Variants in ZNF804B observed in about 807,000 individuals in gnomAD.
The protein encoded by ZNF804B is zinc finger protein 804B.
A neutral mutation model predicts 101.4 loss-of-function variants in ZNF804B; 80 were observed. The observed-to-expected ratio is 0.79, with a 90% CI of 0.66 to 0.95. The LOEUF (loss-of-function observed/expected upper bound fraction) is 0.95. Ranked by LOEUF, ZNF804B falls within the 40% of genes least tolerant of loss-of-function variation. The probability of loss-of-function intolerance (pLI) is 0.00; values close to 1 mark genes in which losing one functional copy is unlikely to be tolerated. For missense variants in ZNF804B, 1,673 were observed against 1,561.9 expected (o/e 1.07, Z -1.20); for synonymous variants, 622 against 558.8 (o/e 1.11, Z -1.59).
intron 1 of ZNF804B, among the ~76,000 whole-genome samples, chr7:88,769,897 GTCT>G (rs1790036951): frequency 6.6e-6 from 1 of 152,028 alleles, no homozygotes; most frequent in South Asian, 2.1e-4. Context: ...GAGAAGCTTG[GTCT>G]TCTTCTAAAT....
rs1301654920 is a variant in ZNF804B, at chr7:89,334,961, C to G, written c.1979C>G (p.Pro660Arg). Residue 660 changes from proline (P) to arginine (R), a missense_variant, in exon 4 of 4, where the codon CCT (proline) becomes CGT (arginine). Physicochemically the swap from Pro to Arg is moderately radical, Grantham distance 103. Coordinates refer to ENST00000333190, the MANE Select transcript of ZNF804B (RefSeq NM_181646.5). ...AGACAATTCAACTGCAAGTCCAGTC[C>G]TTGTACAGTAGGGGGTCACAGTGAC... is the stretch of plus-strand genomic sequence containing the variant. The part of the protein sequence containing the change: ...DERQFNCKSS[P>R]CTVGGHSDHG... The G allele has an allele frequency of 6.2e-7, 1 of 1,613,864 alleles. No homozygotes were observed. The highest frequency in any genetic ancestry group is 8.5e-7 in the Non-Finnish European group (1 of 1,179,904).
intron 1 of ZNF804B, among the ~76,000 whole-genome samples, chr7:89,081,694 C>A (rs1412953704): frequency 6.6e-6 from 1 of 151,730 alleles, no homozygotes; most frequent in Non-Finnish European, 1.5e-5. Flanking sequence ...ACTTTTCTTA[C>A]ACCCCTTCAC....
At chr7:88,980,065 CT>C (rs997034052) in intron 1 of ZNF804B, among the ~76,000 whole-genome samples, 31 of 146,970 alleles carry the variant, frequency 2.1e-4, no homozygotes, top group South Asian at 4.3e-4. Flanking sequence ...CTGCTTGATT[CT>C]TTTTTTTTTA....
At chr7:88,907,467 A>G (rs1045741800) in intron 1 of ZNF804B, among the ~76,000 whole-genome samples, 3 of 152,072 alleles carry the variant, frequency 2.0e-5, no homozygotes, top group Non-Finnish European at 4.4e-5. Flanking sequence ...GACTGCTTCT[A>G]CTGCTACTAA....
At chr7:89,063,690 C>T (rs1789409490) in intron 1 of ZNF804B, among the ~76,000 whole-genome samples, 1 of 152,136 alleles carries the variant, frequency 6.6e-6, no homozygotes, top group Admixed American at 6.6e-5. Context: ...TCTTTGTTTT[C>T]AAATTATTTA....
chr7:89,074,136 C>T (rs186598218), intron 1 of ZNF804B, among the ~76,000 whole-genome samples: 1 of 152,264 alleles, frequency 6.6e-6, no homozygotes, highest in East Asian at 1.9e-4. Flanking sequence ...AAAACTACCT[C>T]CTGGAGTGTT....
chr7:88,978,831 CTTCT>C (rs924075395), intron 1 of ZNF804B, among the ~76,000 whole-genome samples: 2 of 142,740 alleles, frequency 1.4e-5, no homozygotes, highest in African/African-American at 5.1e-5. Flanking sequence ...TCCTTCCTTC[CTTCT>C]TTCCTTCTTT....
chr7:89,089,408 T>A (rs1364145637), intron 1 of ZNF804B, among the ~76,000 whole-genome samples: 1 of 152,028 alleles, frequency 6.6e-6, no homozygotes, highest in Non-Finnish European at 1.5e-5. Context: ...ATCACATGTG[T>A]AAGTATATAA....
At chr7:89,126,894 CAG>C (rs1407189333) in intron 1 of ZNF804B, among the ~76,000 whole-genome samples, 1 of 151,936 alleles carries the variant, frequency 6.6e-6, no homozygotes, top group East Asian at 1.9e-4. Flanking sequence ...TTTTGCAACT[CAG>C]ATCTCTCACA....
At chr7:89,219,589 CTGATTG>C (rs1788949125) in intron 2 of ZNF804B, among the ~76,000 whole-genome samples, 1 of 151,408 alleles carries the variant, frequency 6.6e-6, no homozygotes, top group Admixed American at 6.6e-5. Flanking sequence ...GTTATCCTTG[CTGATTG>C]AGGTATGGCG....
At chr7:89,198,942 G>A (rs1051324028) in intron 1 of ZNF804B, among the ~76,000 whole-genome samples, 1 of 151,802 alleles carries the variant, frequency 6.6e-6, no homozygotes, top group African/African-American at 2.4e-5. Context: ...AACTTATCGG[G>A]AATATGGAGC....
rs976514185 is a variant in ZNF804B at position 89,327,825 on chromosome 7, G to T, written c.380+351G>T. On this transcript the variant is annotated intron_variant, in intron 3 of 3. Coordinates refer to ENST00000333190, the MANE Select transcript of ZNF804B (RefSeq NM_181646.5). ...CATAATTAACAATATATCTTAGGGG[G>T]TGGGGAATAAGTCTTCTGAACATTT... 2.0e-5 allele frequency among the ~76,000 whole-genome samples: 3 copies of T among 147,840 alleles called. No homozygotes were observed. The South Asian group carries it at 6.6e-4, about 32-fold the overall frequency.
At chr7:88,821,808 T>C (rs547253122) in intron 1 of ZNF804B, among the ~76,000 whole-genome samples, 1 of 152,180 alleles carries the variant, frequency 6.6e-6, no homozygotes, top group South Asian at 2.1e-4. Context: ...GTTCATCTTA[T>C]ATATGTAGCA....
At chr7:89,084,598 A>G (rs566732718) in intron 1 of ZNF804B, among the ~76,000 whole-genome samples, 1 of 152,078 alleles carries the variant, frequency 6.6e-6, no homozygotes, top group East Asian at 1.9e-4. Context: ...AAACAATTAT[A>G]TTTATACTTC....
rs937654806 is a variant in ZNF804B at position 89,336,948 on chromosome 7, T to G, written c.3966T>G (p.Asp1322Glu). 2.5e-6 allele frequency: 4 copies of G among 1,614,096 alleles called. No individual in the cohort carries two copies. The highest frequency in any genetic ancestry group is 3.4e-6 in the Non-Finnish European group (4 of 1,179,990). Residue 1322 changes from aspartate to glutamate, a missense_variant, in exon 4 of 4, where the codon GAT becomes GAG. By Grantham distance (45) the Asp-to-Glu change is conservative. Transcript: ENST00000333190. The part of the protein sequence containing the change: ...PLIQPVFQGQ[D>E]FCHHSCSSQM... Reference sequence around the variant, plus strand: ...TCCAACCAGTATTCCAAGGTCAAGATTTTTGCCATCATTCTTGCTCTAGCC... The same window carrying G: ...TCCAACCAGTATTCCAAGGTCAAGAGTTTTGCCATCATTCTTGCTCTAGCC...
At chr7:89,160,574 C>T (rs1276993688) in intron 1 of ZNF804B, among the ~76,000 whole-genome samples, 1 of 152,032 alleles carries the variant, frequency 6.6e-6, no homozygotes, top group Admixed American at 6.6e-5. Context: ...AAATAGAGTA[C>T]ACCTAATATT....
At chr7:89,032,334 A>T (rs1400119881) in intron 1 of ZNF804B, among the ~76,000 whole-genome samples, 1 of 151,788 alleles carries the variant, frequency 6.6e-6, no homozygotes, top group Non-Finnish European at 1.5e-5. Flanking sequence ...GGAGAGAATG[A>T]GTTAAGGGGG....
intron 2 of ZNF804B, among the ~76,000 whole-genome samples, chr7:89,308,017 T>G (rs1419748977): frequency 6.6e-6 from 1 of 152,152 alleles, no homozygotes; most frequent in African/African-American, 2.4e-5. Context: ...AGAGTTGTAC[T>G]TTTGAAAAAC....
intron 1 of ZNF804B, among the ~76,000 whole-genome samples, chr7:89,156,020 CT>C (rs1256336202): frequency 6.0e-3 from 24 of 4,020 alleles, no homozygotes; most frequent in Non-Finnish European, 0.017. Context: ...TCTCTCTTTC[CT>C]TTCTTTCTTT....
Sources: gnomAD v4.1 joint callset for allele counts (sites outside exome capture counted in the v4.1 genomes callset) on GRCh38, gnomAD v4.1.1 for gene constraint, MANE v1.5 for transcripts, NCBI Gene and HGNC (gene_info 2026-07-23, HGNC 2026-07-21) for gene names.